Variants in STPG2 observed in about 807,000 individuals in gnomAD.
STPG2 encodes the protein sperm tail PG-rich repeat containing 2.
A neutral mutation model predicts 54.2 loss-of-function variants in STPG2; 56 were observed. The observed-to-expected ratio is 1.03, with a 90% CI of 0.83 to 1.29. The LOEUF (loss-of-function observed/expected upper bound fraction) is 1.29, where lower values mean the gene tolerates loss of function less well. STPG2 is among the 50% of genes most tolerant of loss of function. The pLI, the probability that STPG2 is intolerant of heterozygous loss-of-function variation, is 0.00. For synonymous variants in STPG2, 200 were observed against 181.8 expected (o/e 1.10, Z -0.81); for missense variants, 596 against 544.9 (o/e 1.09, Z -0.93).
At chr4:97,538,535 G>T (rs973984129) in intron 4 of STPG2, among the ~76,000 whole-genome samples, 2 of 152,306 alleles carry the variant, frequency 1.3e-5, no homozygotes, top group South Asian at 4.1e-4. Context: ...AGAAATATGG[G>T]ACTATGTGAA....
intron 9 of STPG2, among the ~76,000 whole-genome samples, chr4:97,716,658 A>G (rs1333977199): frequency 6.9e-6 from 1 of 145,434 alleles, no homozygotes; most frequent in Non-Finnish European, 1.5e-5. Context: ...ATGAGAACAC[A>G]TGGACACAGG....
At chr4:97,683,334 A>G (rs28479339) in intron 10 of STPG2, among the ~76,000 whole-genome samples, 89,271 of 151,558 alleles carry the variant, frequency 0.59, 26,614 homozygotes, top group South Asian at 0.68. Flanking sequence ...TTTCCAGAGA[A>G]TCATGCTTCA....
downstream of STPG2, among the ~76,000 whole-genome samples, chr4:97,554,571 C>T (rs924135754): frequency 6.6e-6 from 1 of 152,080 alleles, no homozygotes; most frequent in African/African-American, 2.4e-5. Flanking sequence ...ATCTAAGCTT[C>T]TTGTCTGTCT....
At chr4:97,629,774 A>T (rs1459120565) in intron 10 of STPG2, among the ~76,000 whole-genome samples, 1 of 151,970 alleles carries the variant, frequency 6.6e-6, no homozygotes, top group Non-Finnish European at 1.5e-5. Flanking sequence ...TGTTAGGGTA[A>T]TAGAAGGAAT....
chr4:97,912,586 T>C (rs1438938612), intron 8 of STPG2, among the ~76,000 whole-genome samples: 1 of 152,042 alleles, frequency 6.6e-6, no homozygotes, highest in Admixed American at 6.6e-5. Context: ...AAGATGACCT[T>C]TCTGAAATGA....
chr4:97,605,829 ATC>A (rs982933126), intron 10 of STPG2, among the ~76,000 whole-genome samples: 6 of 151,506 alleles, frequency 4.0e-5, no homozygotes, highest in Non-Finnish European at 8.9e-5. Context: ...GAAAAAAAAA[ATC>A]TGTGTTTAGA....
intron 4 of STPG2, among the ~76,000 whole-genome samples, chr4:97,525,382 C>T (rs887405957): frequency 2.6e-5 from 4 of 151,824 alleles, no homozygotes; most frequent in Non-Finnish European, 5.9e-5. Flanking sequence ...CTACATACTT[C>T]GTTGAACAAC....
At chr4:97,517,825 TAAC>T (rs898298590) in intron 4 of STPG2, among the ~76,000 whole-genome samples, 7 of 152,246 alleles carry the variant, frequency 4.6e-5, no homozygotes, top group Non-Finnish European at 8.8e-5. Context: ...GTTTAAATGT[TAAC>T]AACTGAATTA....
At chr4:97,748,406 A>T (rs1014806837) in intron 9 of STPG2, among the ~76,000 whole-genome samples, 15 of 151,598 alleles carry the variant, frequency 9.9e-5, no homozygotes, top group African/African-American at 2.4e-5. Context: ...AGGTTAGTGC[A>T]TTGAAAGAAA....
intron 9 of STPG2, among the ~76,000 whole-genome samples, chr4:97,787,850 T>C (rs1726873544): frequency 6.6e-6 from 1 of 151,832 alleles, no homozygotes; most frequent in Non-Finnish European, 1.5e-5. Flanking sequence ...ATTTAGCTAT[T>C]TTATATAAGC....
intron 7 of STPG2, among the ~76,000 whole-genome samples, chr4:97,967,016 C>T (rs895338124): frequency 2.0e-5 from 3 of 151,994 alleles, no homozygotes; most frequent in Non-Finnish European, 2.9e-5. Context: ...ACCATAGTAA[C>T]CTTAAATGTA....
intron 4 of STPG2, among the ~76,000 whole-genome samples, chr4:97,481,798 C>T (rs959487319): frequency 6.6e-6 from 1 of 151,456 alleles, no homozygotes; most frequent in African/African-American, 2.4e-5. Flanking sequence ...GAAAAAAAGA[C>T]AGTTTTACTA....
chr4:97,473,844 C>T (rs1473691969), intron 4 of STPG2, among the ~76,000 whole-genome samples: 2 of 152,032 alleles, frequency 1.3e-5, no homozygotes, highest in East Asian at 3.9e-4. Context: ...CCAGCCGATG[C>T]TTAGGGAAAA....
chr4:97,508,202 T>C lies in STPG2; in HGVS notation c.462+204497A>G, dbSNP rs190241511. 1.2e-4 allele frequency among the ~76,000 whole-genome samples: 19 copies of C among 152,142 alleles called. No homozygotes were observed. The East Asian group carries it at 3.1e-3, about 25-fold the overall frequency. Reference sequence around the variant, plus strand: ...TACAGCAAATACATCCATAAGGGTATAGGAAATCCAAACAAAATAATTTAT... The same window carrying C: ...TACAGCAAATACATCCATAAGGGTACAGGAAATCCAAACAAAATAATTTAT... On this transcript the variant is annotated intron_variant, in intron 4 of 4. Coordinates refer to the STPG2 transcript ENST00000522676.
chr4:97,921,927 G>A (rs1732124546), intron 8 of STPG2, among the ~76,000 whole-genome samples: 1 of 152,148 alleles, frequency 6.6e-6, no homozygotes. Context: ...GATACAGAAA[G>A]ACAAATTCTG....
chr4:97,441,541 G>T (rs542373783), intron 4 of STPG2: 1 of 152,038 alleles, frequency 6.6e-6, no homozygotes, highest in South Asian at 2.1e-4. Flanking sequence ...ATATCTGTGG[G>T]AAAAGAAAAG....
At chr4:97,756,119 C>T (rs905401029) in intron 9 of STPG2, among the ~76,000 whole-genome samples, 1 of 151,890 alleles carries the variant, frequency 6.6e-6, no homozygotes, top group Non-Finnish European at 1.5e-5. Context: ...CTTGTTCCTC[C>T]CCCCAACTAG....
chr4:98,139,197 C>G (rs1229361517), intron 1 of STPG2, among the ~76,000 whole-genome samples: 1 of 152,106 alleles, frequency 6.6e-6, no homozygotes, highest in African/African-American at 2.4e-5. Context: ...AGGAGAGATT[C>G]TCCCTGATCA....
intron 9 of STPG2, among the ~76,000 whole-genome samples, chr4:97,827,289 G>A (rs544889216): frequency 8.2e-5 from 12 of 145,696 alleles, no homozygotes; most frequent in Admixed American, 4.2e-4. Context: ...AGGCTGGAGT[G>A]CAGTGGCATG....
Sources: gnomAD v4.1 joint callset for allele counts (sites outside exome capture counted in the v4.1 genomes callset) on GRCh38, gnomAD v4.1.1 for gene constraint, MANE v1.5 for transcripts, NCBI Gene and HGNC (gene_info 2026-07-23, HGNC 2026-07-21) for gene names.